The following PEX16 variants were observed in gnomAD, a reference collection of about 807,000 sequenced individuals.
The protein encoded by PEX16 is peroxin 16.
In PEX16, 37 loss-of-function variants were observed where a neutral mutation model predicts 50.5. The observed-to-expected ratio is 0.73, with a 90% CI of 0.56 to 0.96. The LOEUF is 0.96. PEX16 is among the 40% of genes least tolerant of loss of function. PEX16 has a pLI of 0.00. For synonymous variants in PEX16, 185 were observed against 190.3 expected, an observed-to-expected ratio of 0.97 and a Z score of 0.23; for missense variants, 401 against 438.3, an observed-to-expected ratio of 0.91 and a Z score of 0.76.
Position 45,914,699 on chromosome 11 carries a change from CAGA to C in PEX16, c.461-18_461-16del. 6.2e-7 allele frequency: 1 copy of C among 1,609,702 alleles called. No individual in the cohort carries two copies. Among genetic ancestry groups the C allele is most frequent in the South Asian group, 1.1e-5 (1 of 91,000 alleles). On this transcript the variant is annotated splice_polypyrimidine_tract_variant and intron_variant, in intron 5 of 10. Transcript: ENST00000378750. ...GTGGTCACCATCTAGCAGGGATAGA[CAGA>C]AGGCCATACAGTCAGAGGGACATGC...
chr11:45,917,993 G>T (rs989123490), upstream of PEX16: 1 of 666,280 alleles, frequency 1.5e-6, no homozygotes, highest in African/African-American at 1.8e-5. Context: ...CTCTTGAACC[G>T]CTTCCCACTC....
chr11:45,912,050 A>G (rs547709486), intron 9 of PEX16: 21 of 150,178 alleles, frequency 1.4e-4, no homozygotes, highest in African/African-American at 3.9e-4. Flanking sequence ...AGAAAAGAAG[A>G]AGGCTGGCTG....
At chr11:45,910,792 C>CT (rs1428437159) in intron 10 of PEX16, 106 bp downstream of exon 10, 3 of 1,124,248 alleles carry the variant, frequency 2.7e-6, no homozygotes, top group Non-Finnish European at 4.1e-6. Context: ...ACTTCCTCTC[C>CT]TGACTGTGCC....
upstream of PEX16, chr11:45,917,988 GAACC>G: frequency 1.5e-6 from 1 of 673,312 alleles, no homozygotes; most frequent in Non-Finnish European, 2.7e-6. Context: ...CCCATCTCTT[GAACC>G]GCTTCCCACT....
chr11:45,911,824 G>A (rs537842524), intron 9 of PEX16: 2 of 151,828 alleles, frequency 1.3e-5, no homozygotes, highest in South Asian at 2.1e-4. Flanking sequence ...AGGAGTTCGA[G>A]ACGAGCCTGA....
chr11:45,917,914 T>C, upstream of PEX16: 1 of 853,838 alleles, frequency 1.2e-6, no homozygotes, highest in East Asian at 2.6e-5. Flanking sequence ...GCCCGCCTCT[T>C]GGTTGCTTAA....
In PEX16 at chr11:45,910,303, A is replaced by G. The variant is rs758636115; in HGVS notation, c.962T>C (p.Met321Thr). The stretch of plus-strand genomic sequence containing the variant: ...TTTCTGCCAGGTGGGCAAGTAATCC[A>G]TGAGCGGCCCTGCAGTGGGAGAGGG... ...PGVGLVTRPLMDYLPTWQKIY... is the reference protein window; with the variant it reads ...PGVGLVTRPLTDYLPTWQKIY... Residue 321 changes from methionine (M) to threonine (T), a missense_variant, in exon 11 of 11, where the codon ATG becomes ACG. Physicochemically the swap from Met to Thr is moderately conservative, Grantham distance 81 (BLOSUM62 -1). Transcript: ENST00000378750. 8 of 1,613,414 alleles carry G rather than the reference A, an allele frequency of 5.0e-6. No homozygotes were observed. The highest frequency in any genetic ancestry group is 5.1e-6 in the Non-Finnish European group (6 of 1,179,726).
rs148019119 is a variant in PEX16 at position 45,913,860 on chromosome 11, G to A, written c.846C>T (p.Leu282=). ...AGAAAGGAGAGCGCAGCAGGTAGTAGAGCAGCAGGATGGTCCGGCGCCGCA... is the reference window on the plus strand; with the variant it reads ...AGAAAGGAGAGCGCAGCAGGTAGTAAAGCAGCAGGATGGTCCGGCGCCGCA... ...RELRRRTILL[L]YYLLRSPFYD... The change falls in exon 9 of 11, where the codon CTC becomes CTT. Residue 282 remains leucine, a synonymous_variant. Transcript: ENST00000378750. The A allele has an allele frequency of 3.0e-4, 480 of 1,613,614 alleles. 1 individual carries two copies. Among genetic ancestry groups the A allele is most frequent in the Non-Finnish European group, 3.3e-4 (386 of 1,179,942 alleles).
chr11:45,911,579 T>C (rs2086778807), intron 9 of PEX16, among the ~76,000 whole-genome samples: 1 of 152,232 alleles, frequency 6.6e-6, no homozygotes, highest in Non-Finnish European at 1.5e-5. Flanking sequence ...CTGTACGCGT[T>C]AGTCACTGAA....
chr11:45,915,801 G>T lies in PEX16; in HGVS notation c.261C>A (p.Ser87Arg), dbSNP rs780266965. The T allele has an allele frequency of 6.2e-7, 1 of 1,613,578 alleles. No homozygotes were observed. The highest frequency in any genetic ancestry group is 1.3e-5 in the African/African-American group (1 of 74,848). ...LSQQKLLTWLSVLECVEVFME... is the reference protein window; with the variant it reads ...LSQQKLLTWLRVLECVEVFME... ...TGAACACCTCCACGCACTCCAGCAC[G>T]CTCAGCCATGTCAGCAGCTTCTGCT... Residue 87 changes from serine (S) to arginine (R), a missense_variant, in exon 4 of 11, where the codon AGC (serine) becomes AGA (arginine). By Grantham distance (110) the Ser-to-Arg change is moderately radical. Transcript: ENST00000378750.
At chr11:45,916,387 T>C in intron 2 of PEX16, 84 bp from the exon 3 acceptor site, 1 of 1,069,872 alleles carries the variant, frequency 9.3e-7, no homozygotes, top group Non-Finnish European at 1.4e-6. Flanking sequence ...AGGGATCACC[T>C]GTCACATGCT....
In PEX16 at chr11:45,910,930, G is replaced by T; in HGVS notation, c.920C>A (p.Ala307Asp). 1 of 1,613,566 alleles carries T rather than the reference G, an allele frequency of 6.2e-7. No homozygotes were observed. Among genetic ancestry groups the T allele is most frequent in the Non-Finnish European group, 8.5e-7 (1 of 1,179,998 alleles). The change falls in exon 10 of 11, where the codon GCC becomes GAC. Residue 307 changes from alanine (A) to aspartate (D), a missense_variant. Transcript: ENST00000378750. The stretch of plus-strand genomic sequence containing the variant: ...CAGGCCAACGCCAGGGACGTGGTCG[G>T]CCAGCAACTGGAGCAGGAAGAGGAT... ...ARILFLLQLL[A>D]DHVPGVGLVT...
intron 9 of PEX16, among the ~76,000 whole-genome samples, chr11:45,913,411 C>T (rs1239557390): frequency 6.6e-6 from 1 of 152,192 alleles, no homozygotes; most frequent in Non-Finnish European, 1.5e-5. Flanking sequence ...CTAGCTCTAC[C>T]ACTGGCTAGC....
In PEX16 at chr11:45,917,808, C is replaced by A; in HGVS notation, c.4G>T (p.Glu2Ter). The A allele has an allele frequency of 6.5e-7, 1 of 1,540,018 alleles. No individual in the cohort carries two copies. The highest frequency in any genetic ancestry group is 1.2e-5 in the South Asian group (1 of 84,046). ...CGGAGGCCCAGGAGCCGCAGCTTCT[C>A]CATCCTGCCCTCGGCACCGACAGAC... is the stretch of plus-strand genomic sequence containing the variant. M[E>*]KLRLLGLRYQ... The change falls in exon 1 of 11, where the codon GAG (glutamate) becomes TAG (stop). Residue 2 changes from glutamate (E) to a stop codon, truncating the protein, a stop_gained. Transcript: ENST00000378750. LOFTEE classifies it high-confidence loss of function.
In PEX16 at chr11:45,909,892, C is replaced by T. The variant is rs1263610282; in HGVS notation, c.*362G>A. 1 of 612,294 alleles carries T rather than the reference C, an allele frequency of 1.6e-6. No homozygotes were observed. The highest frequency in any genetic ancestry group is 1.8e-5 in the African/African-American group (1 of 54,448). 37.9% of individuals were successfully genotyped at this position (612,294 alleles called of 1,614,324 possible). A position where few individuals can be genotyped will look rare whatever the true frequency, so the allele number is the denominator to read the frequency against. ...CAGCCATCACCCGGGTTCAGGCTTC[C>T]TGTCCTCACCAGGGGCCAGCGAGAG... On this transcript the variant is annotated 3_prime_UTR_variant, in exon 11 of 11. Coordinates refer to ENST00000378750, the MANE Select transcript of PEX16 (RefSeq NM_004813.4).
At chr11:45,915,919 G>A in intron 3 of PEX16, 83 bp from the exon 4 acceptor site, 1 of 1,328,058 alleles carries the variant, frequency 7.5e-7, no homozygotes, top group South Asian at 1.2e-5. Flanking sequence ...GAGCTTCTCT[G>A]ACAAGAGATG....
At chr11:45,912,961 T>TA (rs1368374376) in intron 9 of PEX16, among the ~76,000 whole-genome samples, 2 of 152,016 alleles carry the variant, frequency 1.3e-5, no homozygotes, top group Non-Finnish European at 2.9e-5. Flanking sequence ...AGCTAGGACT[T>TA]ACAGGCGCAC....
chr11:45,914,184 C>G lies in PEX16; in HGVS notation c.714G>C (p.Trp238Cys). Residue 238 changes from tryptophan to cysteine, a missense_variant, in exon 8 of 11, where the codon TGG becomes TGC. Coordinates refer to ENST00000378750, the MANE Select transcript of PEX16 (RefSeq NM_004813.4). ...PLLHLLSLGL[W>C]GQRSWKPWLL... ...GCCAGGGTTTCCACGACCTCTGACC[C>G]CACAGGCCCAGGCTGAGCACTGACG... 1 of 1,612,666 alleles carries G rather than the reference C, an allele frequency of 6.2e-7. No homozygotes were observed. The highest frequency in any genetic ancestry group is 8.5e-7 in the Non-Finnish European group (1 of 1,179,446).
At chr11:45,918,604 G>C (rs2086866618), upstream of PEX16, 1 of 152,268 alleles carries the variant, frequency 6.6e-6, no homozygotes, top group African/African-American at 2.4e-5. Flanking sequence ...GCCCTTGGGC[G>C]GGAGTATCCC....
Sources: allele counts gnomAD v4.1 joint callset (sites outside exome capture counted in the v4.1 genomes callset), GRCh38; gene constraint gnomAD v4.1.1; transcripts MANE v1.5; gene names NCBI Gene and HGNC (gene_info 2026-07-23, HGNC 2026-07-21).